Variants in RBMS3 observed in about 807,000 individuals in gnomAD.
RBMS3 encodes the protein RNA-binding motif, single-stranded-interacting protein 3.
A neutral mutation model predicts 66.8 loss-of-function variants in RBMS3; 27 were observed. The ratio of observed to expected loss-of-function variants is 0.40; its 90% confidence interval spans 0.30 to 0.56. The LOEUF is 0.56. RBMS3 is among the 20% of genes least tolerant of loss of function. The pLI is 0.40. For missense variants in RBMS3, 513 were observed against 549.5 expected (o/e 0.93, Z 0.66); for synonymous variants, 188 against 183.0 (o/e 1.03, Z -0.22).
chr3:29,505,716 C>T (rs1175150652), intron 3 of RBMS3, among the ~76,000 whole-genome samples: 3 of 151,382 alleles, frequency 2.0e-5, no homozygotes, highest in Non-Finnish European at 3.0e-5. Flanking sequence ...GAACGTGAGA[C>T]ATGTTTCCAT....
At chr3:29,517,271 A>ATGTG (rs58702096) in intron 3 of RBMS3, among the ~76,000 whole-genome samples, 6,910 of 129,334 alleles carry the variant, frequency 0.053, 197 homozygotes, top group Middle Eastern at 0.072. Flanking sequence ...GATTTCATAT[A>ATGTG]TGTGTGTGTG....
intron 6 of RBMS3, chr3:29,766,592 C>T (rs1041384630): frequency 6.6e-6 from 1 of 151,900 alleles, no homozygotes; most frequent in South Asian, 2.1e-4. Context: ...TTTCTCTGGG[C>T]TCCTCCTATT....
At chr3:29,672,395 C>T (rs1413453618) in intron 4 of RBMS3, among the ~76,000 whole-genome samples, 1 of 152,108 alleles carries the variant, frequency 6.6e-6, no homozygotes, top group Non-Finnish European at 1.5e-5. Flanking sequence ...GCAAAATAAC[C>T]AGCTAACGTC....
At chr3:29,390,397 CAAAT>C (rs1215239122) in intron 1 of RBMS3, among the ~76,000 whole-genome samples, 2 of 152,184 alleles carry the variant, frequency 1.3e-5, no homozygotes, top group East Asian at 1.9e-4. Flanking sequence ...GCTGCATAGT[CAAAT>C]AAGCTGGGAA....
intron 1 of RBMS3, among the ~76,000 whole-genome samples, chr3:29,389,885 T>G (rs1180628915): frequency 2.0e-5 from 3 of 152,130 alleles, no homozygotes; most frequent in Non-Finnish European, 4.4e-5. Context: ...CAGAATTGCT[T>G]CATAGAGGTA....
At chr3:29,359,672 G>T (rs1389211857) in intron 1 of RBMS3, among the ~76,000 whole-genome samples, 1 of 152,086 alleles carries the variant, frequency 6.6e-6, no homozygotes, top group Non-Finnish European at 1.5e-5. Context: ...AATCCATCTG[G>T]TCCTGGACTT....
intron 1 of RBMS3, among the ~76,000 whole-genome samples, chr3:29,397,561 AC>A (rs1438509517): frequency 2.0e-5 from 3 of 152,100 alleles, no homozygotes; most frequent in Non-Finnish European, 4.4e-5. Flanking sequence ...AGTGAGACTA[AC>A]TTTAACCCTA....
At position 29,363,700 on chromosome 3, in the gene RBMS3, G is replaced by C. The variant is rs554729300; in HGVS notation, c.76-71043G>C. On this transcript the variant is annotated intron_variant, in intron 1 of 14. Transcript: ENST00000383767. ...AGCTACTCAGGTGGCTGAGGCATGA[G>C]AATTACTTGAACCCAGGAGGCGGAG... Among the ~76,000 whole-genome samples, 5 of 151,770 alleles carry C rather than the reference G, an allele frequency of 3.3e-5. No homozygotes were observed. In the South Asian group the frequency reaches 1.0e-3, roughly 32 times the overall value.
intron 2 of RBMS3, among the ~76,000 whole-genome samples, chr3:29,435,396 G>A (rs530110437): frequency 6.6e-6 from 1 of 152,144 alleles, no homozygotes; most frequent in South Asian, 2.1e-4. Context: ...AGAAGCATAA[G>A]ACTAATCCTC....
At chr3:29,373,677 T>C (rs991019501) in intron 1 of RBMS3, among the ~76,000 whole-genome samples, 2 of 152,180 alleles carry the variant, frequency 1.3e-5, no homozygotes, top group African/African-American at 4.8e-5. Context: ...AATTGAGCCT[T>C]GAGGGATCCC....
chr3:29,395,020 G>A (rs2039482309), intron 1 of RBMS3, among the ~76,000 whole-genome samples: 1 of 152,142 alleles, frequency 6.6e-6, no homozygotes, highest in Admixed American at 6.5e-5. Context: ...GCCCCTTTCA[G>A]CAATGCCACC....
chr3:29,610,514 T>C (rs1559507388), intron 4 of RBMS3, among the ~76,000 whole-genome samples: 1 of 152,038 alleles, frequency 6.6e-6, no homozygotes, highest in African/African-American at 2.4e-5. Flanking sequence ...CTTTGAGCCT[T>C]CCTTGATCCT....
chr3:29,799,901 G>A (rs911505890), intron 6 of RBMS3, among the ~76,000 whole-genome samples: 6 of 152,108 alleles, frequency 3.9e-5, no homozygotes, highest in African/African-American at 1.4e-4. Context: ...CAGCAAATAG[G>A]TGGGAAAAGT....
At chr3:29,592,165 A>G (rs548870846) in intron 4 of RBMS3, among the ~76,000 whole-genome samples, 1 of 151,376 alleles carries the variant, frequency 6.6e-6, no homozygotes, top group African/African-American at 2.4e-5. Context: ...AGGAATATAC[A>G]AAAGAAAATA....
At chr3:29,873,973 T>A (rs2059550939) in intron 7 of RBMS3, among the ~76,000 whole-genome samples, 1 of 152,166 alleles carries the variant, frequency 6.6e-6, no homozygotes, top group African/African-American at 2.4e-5. Flanking sequence ...CATTTGGCTG[T>A]CACTAGCTGT....
chr3:29,339,397 A>C (rs899821129), intron 1 of RBMS3, among the ~76,000 whole-genome samples: 7 of 152,176 alleles, frequency 4.6e-5, no homozygotes, highest in African/African-American at 1.7e-4. Flanking sequence ...AAGTGGCTGC[A>C]GGTCCTCGCA....
intron 4 of RBMS3, among the ~76,000 whole-genome samples, chr3:29,639,847 A>G (rs2049629349): frequency 6.6e-6 from 1 of 151,984 alleles, no homozygotes; most frequent in Non-Finnish European, 1.5e-5. Context: ...AGGGAAAAGA[A>G]GAGACACTGA....
At chr3:29,636,207 A>G (rs2049467466) in intron 4 of RBMS3, among the ~76,000 whole-genome samples, 2 of 151,790 alleles carry the variant, frequency 1.3e-5, no homozygotes, top group Non-Finnish European at 2.9e-5. Flanking sequence ...AAGCATTACT[A>G]TACTCACTTG....
intron 6 of RBMS3, among the ~76,000 whole-genome samples, chr3:29,790,685 A>G (rs2056981049): frequency 6.6e-6 from 1 of 152,152 alleles, no homozygotes; most frequent in Non-Finnish European, 1.5e-5. Context: ...TTAAACATTC[A>G]GGAAAGTGTG....
Sources: allele counts gnomAD v4.1 joint callset (sites outside exome capture counted in the v4.1 genomes callset), GRCh38; gene constraint gnomAD v4.1.1; transcripts MANE v1.5; gene names NCBI Gene and HGNC (gene_info 2026-07-23, HGNC 2026-07-21).